Variants in TBC1D5 observed in about 807,000 individuals in gnomAD.
The protein encoded by TBC1D5 is TBC1 domain family, member 5.
Under a neutral mutation model 100.3 loss-of-function variants are expected in TBC1D5, and 75 were observed. The ratio of observed to expected loss-of-function variants is 0.75; its 90% CI spans 0.62 to 0.91. The LOEUF is 0.91. TBC1D5 is among the 40% of genes least tolerant of loss of function. TBC1D5 has a pLI of 0.00. For synonymous variants in TBC1D5, 323 were observed against 325.6 expected, an observed-to-expected ratio of 0.99 and a Z score of 0.09; for missense variants, 910 against 942.4, an observed-to-expected ratio of 0.97 and a Z score of 0.45.
At chr3:17,560,687 C>G (rs1369264842) in intron 2 of TBC1D5, among the ~76,000 whole-genome samples, 1 of 151,654 alleles carries the variant, frequency 6.6e-6, no homozygotes, top group Non-Finnish European at 1.5e-5. Context: ...CTTTGGGAGG[C>G]TGAGGCAGGT....
intron 14 of TBC1D5, among the ~76,000 whole-genome samples, chr3:17,299,100 T>G (rs1218912738): frequency 6.6e-6 from 1 of 152,228 alleles, no homozygotes; most frequent in Non-Finnish European, 1.5e-5. Flanking sequence ...TCGCTACTCT[T>G]GAGCTTTAGG....
chr3:17,440,358 G>T (rs2094625575), intron 3 of TBC1D5, among the ~76,000 whole-genome samples: 1 of 152,146 alleles, frequency 6.6e-6, no homozygotes, highest in Non-Finnish European at 1.5e-5. Flanking sequence ...AGGCACAGTG[G>T]CTCACACCTG....
intron 3 of TBC1D5, among the ~76,000 whole-genome samples, chr3:17,433,847 G>C (rs1442405900): frequency 6.6e-6 from 1 of 152,180 alleles, no homozygotes; most frequent in African/African-American, 2.4e-5. Flanking sequence ...TGGGGGTACA[G>C]GCATTGAGCA....
At chr3:17,387,991 C>G (rs1016111137) in intron 8 of TBC1D5, among the ~76,000 whole-genome samples, 3 of 151,974 alleles carry the variant, frequency 2.0e-5, no homozygotes, top group Admixed American at 2.0e-4. Context: ...GAAGGTCTTT[C>G]TTTCTACATT....
intron 18 of TBC1D5, among the ~76,000 whole-genome samples, chr3:17,190,435 A>G (rs770241526): frequency 5.3e-5 from 8 of 152,184 alleles, no homozygotes; most frequent in Admixed American, 1.3e-4. Flanking sequence ...TGGCTTAGAC[A>G]AAATAATAAG....
At chr3:17,455,472 A>G (rs1454450217) in intron 3 of TBC1D5, among the ~76,000 whole-genome samples, 4 of 144,544 alleles carry the variant, frequency 2.8e-5, no homozygotes, top group Admixed American at 7.0e-5. Context: ...ATATATGTGT[A>G]TATATATGTA....
exon 7 of TBC1D5, chr3:17,404,735 G>C: frequency 6.2e-7 from 1 of 1,608,092 alleles, no homozygotes; most frequent in Non-Finnish European, 8.5e-7. Flanking sequence ...ATCAAATCTT[G>C]TTGGCCAACA....
At chr3:17,176,812 A>C (rs976552599) in intron 19 of TBC1D5, among the ~76,000 whole-genome samples, 4 of 152,126 alleles carry the variant, frequency 2.6e-5, no homozygotes, top group African/African-American at 4.8e-5. Flanking sequence ...GAAAAAAAAA[A>C]AAAGAAAAGA....
chr3:17,586,416 T>C (rs992112787), intron 2 of TBC1D5: 4 of 152,124 alleles, frequency 2.6e-5, no homozygotes, highest in Admixed American at 1.3e-4. Flanking sequence ...GTTCTTGTTA[T>C]AGATCAAAAA....
chr3:17,170,717 A>G (rs899913989), intron 19 of TBC1D5, among the ~76,000 whole-genome samples: 1 of 152,122 alleles, frequency 6.6e-6, no homozygotes, highest in Non-Finnish European at 1.5e-5. Context: ...AGGAACACAA[A>G]GCTCTCTTTA....
intron 15 of TBC1D5, among the ~76,000 whole-genome samples, chr3:17,289,510 T>C (rs1009279307): frequency 2.6e-5 from 4 of 151,974 alleles, no homozygotes; most frequent in Non-Finnish European, 5.9e-5. Flanking sequence ...GGTGGACACC[T>C]GTAGTCCCAG....
At chr3:17,216,010 G>C (rs1240121199) in intron 17 of TBC1D5, among the ~76,000 whole-genome samples, 1 of 152,034 alleles carries the variant, frequency 6.6e-6, no homozygotes, top group Non-Finnish European at 1.5e-5. Context: ...AGAACCTAGG[G>C]GTAAGGAGGT....
chr3:17,553,339 G>A (rs1412534640), intron 2 of TBC1D5, among the ~76,000 whole-genome samples: 2 of 152,024 alleles, frequency 1.3e-5, no homozygotes, highest in African/African-American at 4.8e-5. Context: ...AAATCCAAAA[G>A]TCTGGCAACA....
chr3:17,221,531 C>T (rs773450788), intron 17 of TBC1D5, among the ~76,000 whole-genome samples: 150 of 152,130 alleles, frequency 9.9e-4, no homozygotes, highest in Admixed American at 4.8e-3. Context: ...CTAGAGAGAA[C>T]GAACTCAAGA....
intron 2 of TBC1D5, chr3:17,586,419 A>G (rs1372811242): frequency 6.6e-6 from 1 of 152,126 alleles, no homozygotes; most frequent in African/African-American, 2.4e-5. Context: ...CTTGTTATAG[A>G]TCAAAAATGA....
chr3:17,235,359 C>A (rs573947144), intron 17 of TBC1D5, among the ~76,000 whole-genome samples: 1 of 152,164 alleles, frequency 6.6e-6, no homozygotes, highest in Non-Finnish European at 1.5e-5. Context: ...CATTTTTCAA[C>A]ATAACTTTCA....
At chr3:17,495,810 C>T in intron 3 of TBC1D5, among the ~76,000 whole-genome samples, 1 of 152,190 alleles carries the variant, frequency 6.6e-6, no homozygotes, top group East Asian at 1.9e-4. Flanking sequence ...TGCACCATTA[C>T]ATTCCTCTCC....
At chr3:17,349,936 T>A (rs2090353541) in intron 13 of TBC1D5, among the ~76,000 whole-genome samples, 1 of 152,218 alleles carries the variant, frequency 6.6e-6, no homozygotes, top group Admixed American at 6.5e-5. Flanking sequence ...GTAAATAACA[T>A]GTTCATTTTA....
chr3:17,369,284 C>A (rs17043514), intron 13 of TBC1D5, among the ~76,000 whole-genome samples: 13,674 of 152,028 alleles, frequency 0.09, 1,414 homozygotes, highest in African/African-American at 0.25. Flanking sequence ...TCACACAGGA[C>A]ATCATATTCA....
Sources: allele counts gnomAD v4.1 joint callset (sites outside exome capture counted in the v4.1 genomes callset), GRCh38; gene constraint gnomAD v4.1.1; transcripts MANE v1.5; gene names NCBI Gene and HGNC (gene_info 2026-07-23, HGNC 2026-07-21).